PTPRD: variants seen among roughly 807,000 people sequenced by gnomAD.
PTPRD encodes protein tyrosine phosphatase receptor type D.
A neutral mutation model predicts 214.5 loss-of-function variants in PTPRD; 34 were observed. The observed-to-expected ratio is 0.16, with a 90% confidence interval of 0.12 to 0.21. The LOEUF (loss-of-function observed/expected upper bound fraction) is 0.21. PTPRD is among the 10% of genes least tolerant of loss of function. PTPRD has a pLI of 1.00. For missense variants in PTPRD, 2,545 were observed against 2,398.7 expected, an observed-to-expected ratio of 1.06 and a Z score of -1.27; for synonymous variants, 1,128 against 845.7, an observed-to-expected ratio of 1.33 and a Z score of -5.79.
At chr9:10,145,787 A>G (rs1406342880) in intron 3 of PTPRD, among the ~76,000 whole-genome samples, 2 of 152,156 alleles carry the variant, frequency 1.3e-5, no homozygotes, top group Non-Finnish European at 2.9e-5. Flanking sequence ...AATTCAAAGT[A>G]TGATATGATA....
chr9:8,980,002 G>A (rs909070465), intron 11 of PTPRD, among the ~76,000 whole-genome samples: 4 of 151,934 alleles, frequency 2.6e-5, no homozygotes, highest in African/African-American at 9.7e-5. Flanking sequence ...AAAATGTGGT[G>A]TGTGTACACA....
chr9:9,146,129 T>C (rs146897138), intron 10 of PTPRD, among the ~76,000 whole-genome samples: 10 of 152,342 alleles, frequency 6.6e-5, no homozygotes, highest in African/African-American at 9.6e-5. Context: ...TTTTCCACTG[T>C]GATAATTTCT....
chr9:10,394,605 C>T (rs1388813799), intron 2 of PTPRD, among the ~76,000 whole-genome samples: 1 of 151,876 alleles, frequency 6.6e-6, no homozygotes, highest in Admixed American at 6.6e-5. Context: ...TCTATCCAAA[C>T]ACTCTTTAAG....
intron 2 of PTPRD, among the ~76,000 whole-genome samples, chr9:10,559,195 G>GA (rs1253052112): frequency 1.2e-4 from 18 of 152,022 alleles, no homozygotes; most frequent in African/African-American, 4.3e-4. Context: ...GGATCTGATG[G>GA]AAAAACCTAT....
intron 2 of PTPRD, among the ~76,000 whole-genome samples, chr9:10,457,336 G>A (rs2098926001): frequency 6.6e-6 from 1 of 151,920 alleles, no homozygotes; most frequent in African/African-American, 2.4e-5. Context: ...TTCCATGGAA[G>A]TAACCATTAT....
intron 2 of PTPRD, among the ~76,000 whole-genome samples, chr9:10,496,544 A>G (rs949420714): frequency 1.4e-4 from 21 of 152,038 alleles, no homozygotes; most frequent in Non-Finnish European, 1.3e-4. Context: ...GGTTTCTACA[A>G]TAGCTGAAAT....
At chr9:9,688,643 C>T (rs984640224) in intron 7 of PTPRD, among the ~76,000 whole-genome samples, 2 of 151,850 alleles carry the variant, frequency 1.3e-5, no homozygotes, top group African/African-American at 4.8e-5. Context: ...ATATGAACTG[C>T]TGGTCAACAG....
At chr9:8,577,391 G>A (rs2154246575) in intron 14 of PTPRD, among the ~76,000 whole-genome samples, 1 of 152,228 alleles carries the variant, frequency 6.6e-6, no homozygotes, top group East Asian at 1.9e-4. Flanking sequence ...GAGTAGCTGG[G>A]ATTATAGGCA....
intron 11 of PTPRD, among the ~76,000 whole-genome samples, chr9:8,745,935 A>C (rs7039040): frequency 0.071 from 10,749 of 152,094 alleles, 1,006 homozygotes; most frequent in African/African-American, 0.22. Flanking sequence ...GTATCCGGGA[A>C]TACTGGCAAG....
chr9:8,948,467 AC>A lies in PTPRD; in HGVS notation c.-104+70229del, dbSNP rs2099081418. On this transcript the variant is annotated intron_variant, in intron 11 of 45. Coordinates refer to ENST00000381196, the MANE Select transcript of PTPRD (RefSeq NM_002839.4). ...TATATATATATTTATATATATATTT[AC>A]ATATATATATATTTATATATATATT... is the stretch of plus-strand genomic sequence containing the variant. 5.2e-4 allele frequency among the ~76,000 whole-genome samples: 3 copies of A among 5,738 alleles called. 1 individual carries two copies. Among genetic ancestry groups the A allele is most frequent in the Non-Finnish European group, 9.5e-4 (3 of 3,174 alleles). The allele number at this position is 5,738 out of a possible 152,430, so 3.8% of individuals were successfully genotyped here.
At chr9:9,146,828 CAT>C (rs1204385639) in intron 10 of PTPRD, among the ~76,000 whole-genome samples, 5 of 152,068 alleles carry the variant, frequency 3.3e-5, no homozygotes, top group African/African-American at 1.2e-4. Context: ...ATTTAGGAAA[CAT>C]AGTTTATAAA....
intron 33 of PTPRD, chr9:8,460,188 C>T (rs1328326426): frequency 1.7e-6 from 1 of 580,676 alleles, no homozygotes; most frequent in South Asian, 2.0e-5. Flanking sequence ...AGAATAGATG[C>T]ATGTTGGACA....
intron 2 of PTPRD, among the ~76,000 whole-genome samples, chr9:10,460,757 C>A (rs2098952669): frequency 6.6e-6 from 1 of 151,966 alleles, no homozygotes; most frequent in East Asian, 1.9e-4. Context: ...GATGAGAGAC[C>A]TAAACATAAG....
intron 5 of PTPRD, among the ~76,000 whole-genome samples, chr9:9,805,510 A>T (rs112540226): frequency 9.9e-5 from 15 of 152,200 alleles, no homozygotes. Flanking sequence ...AATATTTGCT[A>T]TCTGAAGGAA....
chr9:9,161,378 TC>T (rs1236633402), intron 10 of PTPRD, among the ~76,000 whole-genome samples: 1 of 152,126 alleles, frequency 6.6e-6, no homozygotes, highest in African/African-American at 2.4e-5. Flanking sequence ...AAATTGGAGA[TC>T]TAACTCTTCT....
At chr9:9,252,373 A>G (rs1336928171) in intron 9 of PTPRD, among the ~76,000 whole-genome samples, 1 of 152,022 alleles carries the variant, frequency 6.6e-6, no homozygotes, top group Non-Finnish European at 1.5e-5. Context: ...TTTGCATAAC[A>G]CACCTTACCC....
In PTPRD at chr9:9,889,943, G is replaced by A. The variant is rs562391360; in HGVS notation, c.-368+48564C>T. 2.0e-5 allele frequency among the ~76,000 whole-genome samples: 3 copies of A among 152,088 alleles called. No individual in the cohort carries two copies. In the South Asian group the frequency reaches 6.2e-4, roughly 32 times the overall value. Reference sequence around the variant, plus strand: ...GCACTTTCCTGAAGAACGGCAGAGGGTGAATTATCAGCAATCTGGCTAGCA... The same window carrying A: ...GCACTTTCCTGAAGAACGGCAGAGGATGAATTATCAGCAATCTGGCTAGCA... On this transcript the variant is annotated intron_variant, in intron 5 of 45. Coordinates refer to ENST00000381196, the MANE Select transcript of PTPRD (RefSeq NM_002839.4).
At chr9:9,621,290 G>A (rs1003661059) in intron 7 of PTPRD, among the ~76,000 whole-genome samples, 1 of 152,124 alleles carries the variant, frequency 6.6e-6, no homozygotes, top group African/African-American at 2.4e-5. Flanking sequence ...TTTATTTCAT[G>A]TTCATAAAAA....
rs865919488 is a variant in PTPRD at position 9,565,594 on chromosome 9, A to G, written c.-237+9138T>C. ...AAAATGCTTTTAATATTTTTAACATATAAGAAATATAAAGAAAATGCTACA... is the reference window on the plus strand; with the variant it reads ...AAAATGCTTTTAATATTTTTAACATGTAAGAAATATAAAGAAAATGCTACA... On this transcript the variant is annotated intron_variant, in intron 8 of 45. Coordinates refer to ENST00000381196, the MANE Select transcript of PTPRD (RefSeq NM_002839.4). Among the ~76,000 whole-genome samples the G allele has an allele frequency of 5.9e-5, 9 of 152,084 alleles. 1 individual carries two copies. The South Asian group carries it at 1.7e-3, about 28-fold the overall frequency.
Sources: allele counts gnomAD v4.1 joint callset (sites outside exome capture counted in the v4.1 genomes callset), GRCh38; gene constraint gnomAD v4.1.1; transcripts MANE v1.5; gene names NCBI Gene and HGNC (gene_info 2026-07-23, HGNC 2026-07-21).